The following DST variants were observed in gnomAD, a reference collection of about 807,000 sequenced individuals.
DST encodes dystonin, also known as bullous pemphigoid antigen.
DST carries 253 observed loss-of-function variants against 875.2 expected under a neutral mutation model. That is an observed-to-expected ratio of 0.29 (90% CI 0.26 to 0.32). The LOEUF is 0.32. DST is among the 10% of genes least tolerant of loss of function. The pLI, the probability that DST is intolerant of heterozygous loss-of-function variation, is 1.00. For missense variants in DST, 8,287 were observed against 9,111.6 expected (o/e 0.91, Z 3.68); for synonymous variants, 3,124 against 3,197.1 (o/e 0.98, Z 0.77).
At chr6:56,516,495 T>C (rs1022184461) in intron 71 of DST, among the ~76,000 whole-genome samples, 1 of 152,212 alleles carries the variant, frequency 6.6e-6, no homozygotes, top group African/African-American at 2.4e-5. Context: ...TTGTGCATCC[T>C]ATTATTTTAT....
In DST at chr6:56,608,457, G is replaced by T. The variant is rs756804136; in HGVS notation, c.6171C>A (p.Ser2057Arg). 9.9e-6 allele frequency: 16 copies of T among 1,613,728 alleles called. No homozygotes were observed. Among genetic ancestry groups the T allele is most frequent in the Non-Finnish European group, 1.4e-5 (16 of 1,179,778 alleles). ...GAGCTTCCAGGACCAGAAGAGCACT[G>T]CTGGAAGTTATTAAATCACACTGTA... ...EAVQCDLITSSSALLVLEAQR... is the reference protein window; with the variant it reads ...EAVQCDLITSRSALLVLEAQR... The change falls in exon 40 of 104, where the codon AGC becomes AGA. Residue 2057 changes from serine (S) to arginine (R), a missense_variant. This residue lies in a region of DST where 3,138 missense variants were observed against 3,116.6 expected (regional missense o/e 1.01). Coordinates refer to ENST00000680361, the MANE Select transcript of DST (RefSeq NM_001374736.1).
chr6:56,483,468 T>C (rs574698693), intron 88 of DST: 2 of 150,692 alleles, frequency 1.3e-5, no homozygotes, highest in African/African-American at 4.8e-5. Flanking sequence ...ACTCATAATG[T>C]CAAATTTTAG....
intron 28 of DST, 147 bp from the exon 29 acceptor site, chr6:56,632,187 T>G (rs1043045939): frequency 1.7e-6 from 1 of 592,206 alleles, no homozygotes; most frequent in Admixed American, 3.2e-5. Context: ...ATTCTAAGGA[T>G]ATAAATCTTA....
chr6:56,871,527 G>C (rs1740030121), intron 3 of DST: 4 of 1,332,172 alleles, frequency 3.0e-6, no homozygotes, highest in Non-Finnish European at 4.3e-6. Flanking sequence ...AGATTCTCTG[G>C]TCATTGAGCA....
intron 4 of DST, chr6:56,742,513 C>T (rs1304766155): frequency 5.1e-6 from 2 of 393,150 alleles, no homozygotes; most frequent in South Asian, 4.1e-5. Context: ...AGCCAGACTC[C>T]TCTACTATTT....
At chr6:56,812,990 T>A (rs1307198413) in intron 4 of DST, among the ~76,000 whole-genome samples, 2 of 151,686 alleles carry the variant, frequency 1.3e-5, no homozygotes, top group Non-Finnish European at 2.9e-5. Context: ...AACCCAAATG[T>A]CCAACAATGA....
intron 4 of DST, among the ~76,000 whole-genome samples, chr6:56,800,071 C>T (rs1475288064): frequency 1.3e-5 from 2 of 152,168 alleles, no homozygotes; most frequent in African/African-American, 4.8e-5. Context: ...TATTGCAATA[C>T]CTGCTTTATC....
chr6:56,578,924 T>C lies in DST; in HGVS notation c.12917A>G (p.Gln4306Arg), dbSNP rs779919108. Residue 4306 changes from glutamine to arginine, a missense_variant, in exon 50 of 104, where the codon CAG (glutamine) becomes CGG (arginine). Gln to Arg is a conservative substitution (Grantham distance 43, BLOSUM62 1). Coordinates refer to ENST00000680361, the MANE Select transcript of DST (RefSeq NM_001374736.1). ...TACAGCAACCTGCTGACTTGATATC[T>C]GTCCTTGCAAAGCCTGTAGGATTAA... Reference protein sequence around the residue: ...QLEETKALQGQISSQQVAVEK... With the variant: ...QLEETKALQGRISSQQVAVEK... The C allele has an allele frequency of 8.1e-6, 13 of 1,597,166 alleles. No homozygotes were observed. Among genetic ancestry groups the C allele is most frequent in the African/African-American group, 1.3e-5 (1 of 74,766 alleles).
intron 5 of DST, among the ~76,000 whole-genome samples, chr6:56,718,406 A>G (rs2099402455): frequency 1.3e-5 from 2 of 152,338 alleles, no homozygotes; most frequent in East Asian, 3.9e-4. Flanking sequence ...AAAGACAATG[A>G]CAAGTGTTAA....
At chr6:56,872,936 T>A (rs1778042626) in intron 3 of DST, among the ~76,000 whole-genome samples, 1 of 151,834 alleles carries the variant, frequency 6.6e-6, no homozygotes, top group African/African-American at 2.4e-5. Context: ...TATTTTGTTT[T>A]CCACAATGGC....
At chr6:56,873,436 T>C (rs1312732217) in intron 3 of DST, among the ~76,000 whole-genome samples, 1 of 152,174 alleles carries the variant, frequency 6.6e-6, no homozygotes, top group Non-Finnish European at 1.5e-5. Context: ...GGCATTTCAA[T>C]AGCAAGATAT....
At chr6:56,797,825 A>AC (rs983976147) in intron 4 of DST, among the ~76,000 whole-genome samples, 1 of 151,660 alleles carries the variant, frequency 6.6e-6, no homozygotes, top group African/African-American at 2.4e-5. Flanking sequence ...TCTCAAAAAA[A>AC]AAAAAAAAAA....
rs187010429 is a variant in DST, at chr6:56,905,011, A to T, written c.217-4390T>A. 2.3e-4 allele frequency among the ~76,000 whole-genome samples: 35 copies of T among 152,208 alleles called. No homozygotes were observed. In the East Asian group the frequency reaches 6.8e-3, roughly 29 times the overall value. ...CACCACATTGGCCAGTATGGTCTTG[A>T]TCTCCTGACCTCATGATCTGCCCAC... On this transcript the variant is annotated intron_variant, in intron 2 of 103. Transcript: ENST00000680361.
At chr6:56,590,961 G>GTTTTTCGACTC (rs2098262302) in intron 49 of DST, among the ~76,000 whole-genome samples, 1 of 152,264 alleles carries the variant, frequency 6.6e-6, no homozygotes, top group East Asian at 1.9e-4. Flanking sequence ...CCTGTTTCCC[G>GTTTTTCGACTC]TGCTAACAGC....
intron 4 of DST, among the ~76,000 whole-genome samples, chr6:56,768,911 A>C (rs2099641766): frequency 6.6e-6 from 1 of 152,178 alleles, no homozygotes; most frequent in African/African-American, 2.4e-5. Flanking sequence ...TCTACTAAAA[A>C]TACAAAACTT....
intron 2 of DST, among the ~76,000 whole-genome samples, chr6:56,904,337 A>G (rs1795407001): frequency 6.6e-6 from 1 of 152,162 alleles, no homozygotes; most frequent in South Asian, 2.1e-4. Flanking sequence ...GTTCAAATAT[A>G]ATACCAGCTC....
At chr6:56,736,341 G>A (rs767811702) in intron 4 of DST, among the ~76,000 whole-genome samples, 12 of 152,208 alleles carry the variant, frequency 7.9e-5, no homozygotes, top group Non-Finnish European at 1.2e-4. Flanking sequence ...AGGAGAAAGA[G>A]CAATTGGAAT....
chr6:56,485,498 C>G (rs746400412), intron 87 of DST, 27 bp from the exon 88 acceptor site: 2 of 1,602,222 alleles, frequency 1.2e-6, no homozygotes, highest in Admixed American at 1.7e-5. Flanking sequence ...AAAAATTGAT[C>G]CTTGCAACAA....
chr6:56,645,667 G>A (rs1246400109), intron 15 of DST, among the ~76,000 whole-genome samples, 199 bp downstream of exon 15: 2 of 152,060 alleles, frequency 1.3e-5, no homozygotes, highest in Admixed American at 6.6e-5. Context: ...CAGCCTAGCC[G>A]GTCATTTATA....
Sources: allele counts gnomAD v4.1 joint callset (sites outside exome capture counted in the v4.1 genomes callset), GRCh38; gene constraint gnomAD v4.1.1; regional missense constraint gnomAD v4.1.1; transcripts MANE v1.5; gene names NCBI Gene and HGNC (gene_info 2026-07-23, HGNC 2026-07-21).